DIAPH3: variants seen among roughly 807,000 people sequenced by gnomAD.
DIAPH3 encodes the protein diaphanous related formin 3.
In DIAPH3, 117 loss-of-function variants were observed where a neutral mutation model predicts 144.3. The ratio of observed to expected loss-of-function variants is 0.81; its 90% CI spans 0.70 to 0.95. The LOEUF is 0.95. Among genes scored for constraint, DIAPH3 ranks in the 40% least tolerant of loss-of-function variants. The pLI is 0.00. For synonymous variants in DIAPH3, 519 were observed against 488.9 expected, an observed-to-expected ratio of 1.06 and a Z score of -0.81; for missense variants, 1,421 against 1,412.7, an observed-to-expected ratio of 1.01 and a Z score of -0.09.
At position 60,009,119 on chromosome 13, in the gene DIAPH3, C is replaced by T. The variant is rs975106989; in HGVS notation, c.909-470G>A. Among the ~76,000 whole-genome samples the T allele has an allele frequency of 7.9e-5, 12 of 152,214 alleles. No homozygotes were observed. The South Asian group carries it at 1.7e-3, about 21-fold the overall frequency. Reference sequence around the variant, plus strand: ...TGCTCTCAACCACTGCACTCTTATGCCTCACAAGTTTAAGTAAATGAAGCT... The same window carrying T: ...TGCTCTCAACCACTGCACTCTTATGTCTCACAAGTTTAAGTAAATGAAGCT... On this transcript the variant is annotated intron_variant, in intron 8 of 27. Coordinates refer to ENST00000400324, the MANE Select transcript of DIAPH3 (RefSeq NM_001042517.2).
In DIAPH3 at chr13:60,081,602, A is replaced by C. The variant is rs115973725; in HGVS notation, c.495+12026T>G. Among the ~76,000 whole-genome samples, 1,028 of 152,176 alleles carry C rather than the reference A, an allele frequency of 6.8e-3. 12 individuals are homozygous for C. Among genetic ancestry groups the C allele is most frequent in the African/African-American group, 0.022 (926 of 41,552 alleles). ...GACAAAATAACTAAGTAGCAAAATC[A>C]AACACCCAACAATATTGAGTGACAA... On this transcript the variant is annotated intron_variant, in intron 4 of 27. Coordinates refer to ENST00000400324, the MANE Select transcript of DIAPH3 (RefSeq NM_001042517.2).
In DIAPH3 at chr13:60,139,097, G is replaced by A. The variant is rs910271367; in HGVS notation, c.181-6108C>T. On this transcript the variant is annotated intron_variant, in intron 1 of 27. Coordinates refer to ENST00000400324, the MANE Select transcript of DIAPH3 (RefSeq NM_001042517.2). ...AATATTCCTACCAGCCATGACTCTC[G>A]ACACACCTACAGAGTCTATGGATCA... is the stretch of plus-strand genomic sequence containing the variant. Among the ~76,000 whole-genome samples the A allele has an allele frequency of 3.3e-5, 5 of 152,026 alleles. No individual in the cohort carries two copies. In the East Asian group the frequency reaches 5.8e-4, roughly 18 times the overall value.
At chr13:60,014,851 G>T (rs2053525323) in intron 7 of DIAPH3, among the ~76,000 whole-genome samples, 1 of 152,102 alleles carries the variant, frequency 6.6e-6, no homozygotes, top group African/African-American at 2.4e-5. Flanking sequence ...TAAAGAAACA[G>T]CATAGGATAA....
At chr13:59,711,227 C>A (rs1042643577) in intron 27 of DIAPH3, among the ~76,000 whole-genome samples, 1 of 152,178 alleles carries the variant, frequency 6.6e-6, no homozygotes, top group Non-Finnish European at 1.5e-5. Context: ...TGTTTCCTAA[C>A]AATGGAGCCC....
chr13:59,753,828 T>C (rs531978406), intron 27 of DIAPH3, among the ~76,000 whole-genome samples: 98 of 152,208 alleles, frequency 6.4e-4, no homozygotes, highest in Non-Finnish European at 9.7e-4. Context: ...TAAAAATGTG[T>C]GTTTCACAAA....
At chr13:60,075,715 G>T (rs1040792685) in intron 4 of DIAPH3, among the ~76,000 whole-genome samples, 1 of 152,082 alleles carries the variant, frequency 6.6e-6, no homozygotes, top group Non-Finnish European at 1.5e-5. Context: ...TTCCCACCTT[G>T]TACTTCCATT....
At chr13:59,834,123 A>C (rs747798406) in intron 23 of DIAPH3, among the ~76,000 whole-genome samples, 12 of 151,746 alleles carry the variant, frequency 7.9e-5, no homozygotes, top group Non-Finnish European at 1.6e-4. Context: ...TGAAATTAAG[A>C]AGATGAATTT....
rs528480914 is a variant in DIAPH3 at position 60,064,263 on chromosome 13, TAAAG to T, written c.496-21447_496-21444del. On this transcript the variant is annotated intron_variant, in intron 4 of 27. Transcript: ENST00000400324. ...GGAGTCAGCCTGTCTTTTGAAGCAT[TAAAG>T]AAAGACATTGACTTATCTGTAGCTG... 5.7e-4 allele frequency among the ~76,000 whole-genome samples: 87 copies of T among 152,316 alleles called. No individual in the cohort carries two copies. The South Asian group carries it at 0.018, about 31-fold the overall frequency.
intron 5 of DIAPH3, among the ~76,000 whole-genome samples, chr13:60,024,116 A>C (rs1352121840): frequency 6.6e-6 from 1 of 151,694 alleles, no homozygotes. Context: ...CAGCCTCCCA[A>C]AGTGCTGGGA....
chr13:60,003,220 T>G (rs1414372348), intron 9 of DIAPH3, among the ~76,000 whole-genome samples: 2 of 152,134 alleles, frequency 1.3e-5, no homozygotes, highest in African/African-American at 4.8e-5. Flanking sequence ...TCTTCTGTAT[T>G]ACTTCTAGCT....
chr13:60,123,932 TACTTG>T (rs2058915452), intron 2 of DIAPH3, among the ~76,000 whole-genome samples: 3 of 152,238 alleles, frequency 2.0e-5, no homozygotes, highest in Non-Finnish European at 4.4e-5. Context: ...TATGTTCTAT[TACTTG>T]ACTTTAAAGT....
At chr13:59,832,358 C>T (rs918597553) in intron 24 of DIAPH3, among the ~76,000 whole-genome samples, 34 of 151,726 alleles carry the variant, frequency 2.2e-4, no homozygotes, top group African/African-American at 8.2e-4. Flanking sequence ...TAAAAAGAAC[C>T]AGTTCTTTAA....
chr13:60,037,543 A>G (rs1010748085), intron 5 of DIAPH3, among the ~76,000 whole-genome samples: 8 of 152,014 alleles, frequency 5.3e-5, no homozygotes, highest in African/African-American at 1.7e-4. Context: ...TTTCTTTTCT[A>G]AGATTAGAAT....
At chr13:60,160,602 T>C (rs1337180497) in intron 1 of DIAPH3, among the ~76,000 whole-genome samples, 1 of 152,184 alleles carries the variant, frequency 6.6e-6, no homozygotes, top group Non-Finnish European at 1.5e-5. Context: ...GTCCAGGTAT[T>C]GAGTGTGGCC....
chr13:60,145,094 C>T (rs551973341), intron 1 of DIAPH3, among the ~76,000 whole-genome samples: 1 of 152,088 alleles, frequency 6.6e-6, no homozygotes, highest in African/African-American at 2.4e-5. Flanking sequence ...CGCTATTATC[C>T]CCATCTTAGA....
intron 17 of DIAPH3, among the ~76,000 whole-genome samples, chr13:59,951,885 C>T (rs1046339754): frequency 2.6e-5 from 4 of 152,066 alleles, no homozygotes; most frequent in African/African-American, 9.7e-5. Flanking sequence ...ATAGAATTAC[C>T]AAATAATACA....
At chr13:60,142,923 C>CTT (rs139731595) in intron 1 of DIAPH3, among the ~76,000 whole-genome samples, 2 of 140,420 alleles carry the variant, frequency 1.4e-5, no homozygotes, top group Non-Finnish European at 1.6e-5. Flanking sequence ...TTTTTTTTTT[C>CTT]TTTTTTTTTT....
At chr13:59,861,591 G>T in intron 21 of DIAPH3, 55 bp from the exon 22 acceptor site, 1 of 1,539,318 alleles carries the variant, frequency 6.5e-7, no homozygotes, top group Non-Finnish European at 9.0e-7. Context: ...TTGATATTCT[G>T]TCTACTTAAA....
At chr13:59,888,738 G>C (rs547866948) in intron 20 of DIAPH3, among the ~76,000 whole-genome samples, 2 of 152,030 alleles carry the variant, frequency 1.3e-5, no homozygotes, top group Admixed American at 1.3e-4. Flanking sequence ...TTGCCTGAAG[G>C]ACAACTTTTA....
Sources: allele counts gnomAD v4.1 joint callset (sites outside exome capture counted in the v4.1 genomes callset), GRCh38; gene constraint gnomAD v4.1.1; transcripts MANE v1.5; gene names NCBI Gene and HGNC (gene_info 2026-07-23, HGNC 2026-07-21).